The following MYH3 variants were observed in gnomAD, a reference collection of about 807,000 sequenced individuals.
MYH3 encodes myosin-3.
In MYH3, 130 loss-of-function variants were observed where a neutral mutation model predicts 238.0. That is an observed-to-expected ratio of 0.55 (90% CI 0.47 to 0.63). The LOEUF (loss-of-function observed/expected upper bound fraction) is 0.63. MYH3 is among the 30% of genes least tolerant of loss of function. The pLI is 0.00. For missense variants in MYH3, 1,853 were observed against 2,374.9 expected, an observed-to-expected ratio of 0.78 and a Z score of 4.57; for synonymous variants, 880 against 924.1, an observed-to-expected ratio of 0.95 and a Z score of 0.86.
the MYH3 span, chr17:10,673,909 A>C: frequency 6.6e-6 from 1 of 152,208 alleles, no homozygotes; most frequent in Non-Finnish European, 1.5e-5. Flanking sequence ...ATTATCAGAA[A>C]ATGGAATTTG....
the MYH3 span, among the ~76,000 whole-genome samples, chr17:10,664,802 A>G: frequency 6.6e-6 from 1 of 152,176 alleles, no homozygotes; most frequent in Non-Finnish European, 1.5e-5. Flanking sequence ...ATTGAAGCCG[A>G]GAAGAATGAT....
At chr17:10,635,899 A>C in intron 28 of MYH3, 46 bp from the exon 29 acceptor site, 2 of 1,496,416 alleles carry the variant, frequency 1.3e-6, no homozygotes, top group Non-Finnish European at 1.9e-6. Context: ...TCACTCATTC[A>C]CTCACCAACT....
At chr17:10,650,103 C>G (rs1490567037) in intron 6 of MYH3, among the ~76,000 whole-genome samples, 2 of 152,126 alleles carry the variant, frequency 1.3e-5, no homozygotes, top group Non-Finnish European at 2.9e-5. Context: ...TCCTGAGTAG[C>G]TGTGACTACA....
intron 34 of MYH3, 123 bp downstream of exon 34, chr17:10,632,353 A>C: frequency 8.7e-7 from 1 of 1,148,538 alleles, no homozygotes; most frequent in African/African-American, 1.5e-5. Context: ...TCCTGGGCTC[A>C]AGTGAGCCTC....
intron 32 of MYH3, 25 bp from the exon 33 acceptor site, chr17:10,633,740 C>T (rs374383577): frequency 1.9e-6 from 3 of 1,613,300 alleles, no homozygotes; most frequent in South Asian, 1.1e-5. Flanking sequence ...GTTTCAGTTG[C>T]ATATGAGCGC....
At chr17:10,643,093 C>T (rs2074288251) in intron 14 of MYH3, 97 bp from the exon 15 acceptor site, 1 of 1,595,728 alleles carries the variant, frequency 6.3e-7, no homozygotes, top group Admixed American at 1.7e-5. Context: ...TCCTGTCAAA[C>T]ACATTAATGC....
At chr17:10,631,439 C>T (rs189031590) in intron 36 of MYH3, among the ~76,000 whole-genome samples, 172 bp downstream of exon 36, 35 of 152,294 alleles carry the variant, frequency 2.3e-4, no homozygotes, top group African/African-American at 8.4e-4. Context: ...TTCTTATGCC[C>T]TTCTTCTAAA....
At chr17:10,647,581 T>C (rs2074334274) in intron 8 of MYH3, among the ~76,000 whole-genome samples, 155 bp from the exon 9 acceptor site, 1 of 152,228 alleles carries the variant, frequency 6.6e-6, no homozygotes, top group East Asian at 1.9e-4. Context: ...AGTCTCGCTC[T>C]GTCACCAGGC....
intron 36 of MYH3, among the ~76,000 whole-genome samples, chr17:10,631,198 GA>G (rs1264412586): frequency 1.3e-5 from 2 of 152,180 alleles, no homozygotes; most frequent in African/African-American, 4.8e-5. Flanking sequence ...GGCTGTACAG[GA>G]ACAACAAAAT....
intron 24 of MYH3, 21 bp downstream of exon 24, chr17:10,639,277 C>G: frequency 6.2e-7 from 1 of 1,614,022 alleles, no homozygotes; most frequent in Non-Finnish European, 8.5e-7. Flanking sequence ...CTGGGACTCC[C>G]GATGAGCATT....
At chr17:10,643,778 C>G (rs1476328504) in intron 14 of MYH3, among the ~76,000 whole-genome samples, 3 of 152,220 alleles carry the variant, frequency 2.0e-5, no homozygotes, top group Non-Finnish European at 4.4e-5. Flanking sequence ...GTCCCTAAAT[C>G]AGTGATTGCA....
chr17:10,647,012 T>G (rs1325872968), intron 10 of MYH3, among the ~76,000 whole-genome samples, 170 bp downstream of exon 10: 1 of 152,206 alleles, frequency 6.6e-6, no homozygotes, highest in East Asian at 1.9e-4. Flanking sequence ...CTTGTGCCAC[T>G]GCACCCCAGC....
the MYH3 span, among the ~76,000 whole-genome samples, chr17:10,663,874 C>T: frequency 6.6e-6 from 1 of 151,806 alleles, no homozygotes; most frequent in African/African-American, 2.4e-5. Flanking sequence ...ACCAGCGTGA[C>T]CAACATGGTG....
chr17:10,662,804 GGGCTGAGTGCAGT>G, the MYH3 span, among the ~76,000 whole-genome samples: 2 of 152,058 alleles, frequency 1.3e-5, no homozygotes, highest in Non-Finnish European at 2.9e-5. Flanking sequence ...AACATTATCG[GGGCTGAGTGCAGT>G]GGCTGACGCC....
rs766510090 is a variant in MYH3 at position 10,639,353 on chromosome 17, T to G, written c.3047A>C (p.Asp1016Ala). ...GGTTTTGTTCAAAGAATTGACTTTG[T>G]CTTCTTCAGCTTGGAGGTCATCCAA... ...QALDDLQAEE[D>A]KVNSLNKTKS... Residue 1016 changes from aspartate (D) to alanine (A), a missense_variant, in exon 24 of 41, where the codon GAC becomes GCC. Transcript: ENST00000583535. 1.2e-6 allele frequency: 2 copies of G among 1,614,224 alleles called. No homozygotes were observed. The highest frequency in any genetic ancestry group is 3.3e-5 in the Admixed American group (2 of 60,026).
Position 10,639,736 on chromosome 17 carries a change from C to T in MYH3, c.2749G>A (p.Glu917Lys), listed in dbSNP as rs747225470. The T allele has an allele frequency of 1.8e-5, 29 of 1,613,798 alleles. No individual in the cohort carries two copies. The highest frequency in any genetic ancestry group is 8.0e-5 in the African/African-American group (6 of 74,812). ...DQLIKAKFQL[E>K]AKIKEVTERA... Reference sequence around the variant, plus strand: ...TCTGTCACCTCCTTGATCTTGGCCTCGAGCTGGAATTTGGCTTTGATCAGC... The same window carrying T: ...TCTGTCACCTCCTTGATCTTGGCCTTGAGCTGGAATTTGGCTTTGATCAGC... The change falls in exon 23 of 41, where the codon GAG becomes AAG. Residue 917 changes from glutamate (E) to lysine (K), a missense_variant. Glu to Lys is a moderately conservative substitution (Grantham distance 56). Coordinates refer to ENST00000583535, the MANE Select transcript of MYH3 (RefSeq NM_002470.4).
At position 10,654,315 on chromosome 17, in the gene MYH3, T is replaced by C. The variant is rs2074407744; in HGVS notation, c.204+546A>G. ...TCCTGATGTGGATTTTAGAAACTAG[T>C]GAGCTCCAGAATTCCTCGCAGCACC... On this transcript the variant is annotated intron_variant, in intron 3 of 40. Coordinates refer to ENST00000583535, the MANE Select transcript of MYH3 (RefSeq NM_002470.4). The surrounding 1 kb of genome is among the most constrained non-coding windows in gnomAD (Gnocchi z 4.5). Among the ~76,000 whole-genome samples the C allele has an allele frequency of 6.6e-6, 1 of 152,170 alleles. No individual in the cohort carries two copies. Among genetic ancestry groups the C allele is most frequent in the African/African-American group, 2.4e-5 (1 of 41,436 alleles).
chr17:10,648,672 G>A, intron 7 of MYH3, 23 bp from the exon 8 acceptor site: 1 of 1,557,568 alleles, frequency 6.4e-7, no homozygotes, highest in Non-Finnish European at 8.8e-7. Flanking sequence ...ATTGAGGGAA[G>A]AAGAGGAAAC....
At chr17:10,629,814 T>C (rs1358342804) in intron 39 of MYH3, 28 bp downstream of exon 39, 1 of 1,613,900 alleles carries the variant, frequency 6.2e-7, no homozygotes, top group African/African-American at 1.3e-5. Flanking sequence ...ACGGTCTGCC[T>C]GCCGCAGTCA....
Sources: gnomAD v4.1 joint callset for allele counts (sites outside exome capture counted in the v4.1 genomes callset) on GRCh38, gnomAD v4.1.1 for gene constraint, Gnocchi (gnomAD v3.1) non-coding constraint, MANE v1.5 for transcripts, NCBI Gene and HGNC (gene_info 2026-07-23, HGNC 2026-07-21) for gene names.